The following CATSPERG variants were observed in gnomAD, a reference collection of about 807,000 sequenced individuals.
The protein encoded by CATSPERG is catsper channel auxiliary subunit gamma.
Under a neutral mutation model 145.0 loss-of-function variants are expected in CATSPERG, and 115 were observed. The ratio of observed to expected loss-of-function variants is 0.79; its 90% CI spans 0.68 to 0.93. The LOEUF is 0.93. CATSPERG is among the 40% of genes least tolerant of loss of function. The pLI is 0.00. For missense variants in CATSPERG, 1,296 were observed against 1,490.1 expected, an observed-to-expected ratio of 0.87 and a Z score of 2.14; for synonymous variants, 588 against 589.0, an observed-to-expected ratio of 1.00 and a Z score of 0.02.
intron 14 of CATSPERG, chr19:38,359,801 G>A (rs1970312649): frequency 2.3e-6 from 3 of 1,297,112 alleles, no homozygotes; most frequent in Non-Finnish European, 3.0e-6. Flanking sequence ...GATGTTCAGA[G>A]GCGGCCCTCT....
In CATSPERG at chr19:38,360,761, C is replaced by G. The variant is rs905282799; in HGVS notation, c.1798C>G (p.Gln600Glu). The G allele has an allele frequency of 6.2e-7, 1 of 1,614,092 alleles. No homozygotes were observed. Among genetic ancestry groups the G allele is most frequent in the Admixed American group, 1.7e-5 (1 of 60,000 alleles). The change falls in exon 16 of 29, where the codon CAG (glutamine) becomes GAG (glutamate). Residue 600 changes from glutamine to glutamate, a missense_variant. Gln to Glu is a conservative substitution (Grantham distance 29). Transcript: ENST00000409235. ...GTACCTTATGAACAACCAGAAGGGC[C>G]AGCTGGTCAAGAGGCTCGTGCCCGT... ...LVYLMNNQKG[Q>E]LVKRLVPVEQ...
chr19:38,341,816 C>T (rs772133019), intron 3 of CATSPERG, among the ~76,000 whole-genome samples: 5 of 151,964 alleles, frequency 3.3e-5, no homozygotes, highest in Admixed American at 6.6e-5. Flanking sequence ...GCAGGACGAT[C>T]GCCTGAACCT....
chr19:38,359,320 T>G, intron 13 of CATSPERG, 150 bp from the exon 14 acceptor site: 5 of 485,526 alleles, frequency 1.0e-5, no homozygotes, highest in Non-Finnish European at 1.6e-5. Flanking sequence ...CTCAAAGGGT[T>G]TGGGGTGGGG....
At chr19:38,353,794 C>T (rs1970193756) in intron 8 of CATSPERG, among the ~76,000 whole-genome samples, 1 of 150,682 alleles carries the variant, frequency 6.6e-6, no homozygotes, top group African/African-American at 2.4e-5. Flanking sequence ...GAGTTTGAGA[C>T]CAGCCTGGCC....
At chr19:38,336,062 G>T in intron 1 of CATSPERG, 187 bp downstream of exon 1, 1 of 390,580 alleles carries the variant, frequency 2.6e-6, no homozygotes, top group Admixed American at 2.7e-5. Context: ...GCAGAGGAGG[G>T]AAAGGGGGAG....
chr19:38,355,015 G>C (rs982630839), intron 9 of CATSPERG, among the ~76,000 whole-genome samples, 168 bp downstream of exon 9: 1 of 152,092 alleles, frequency 6.6e-6, no homozygotes, highest in Non-Finnish European at 1.5e-5. Flanking sequence ...AGGGCTTGGG[G>C]GTATGTTATG....
In CATSPERG at chr19:38,337,420, C is replaced by G; in HGVS notation, c.186C>G (p.Ser62Arg). 1 of 1,551,974 alleles carries G rather than the reference C, an allele frequency of 6.4e-7. No homozygotes were observed. Among genetic ancestry groups the G allele is most frequent in the Non-Finnish European group, 8.7e-7 (1 of 1,147,064 alleles). ...AGAGGGTAGGCGAGAGTGGTGTGAG[C>G]GACAGCTTCTTTGAGCAAGAGCCCG... is the stretch of plus-strand genomic sequence containing the variant. The part of the protein sequence containing the change: ...EFKRVGESGV[S>R]DSFFEQEPVD... The change falls in exon 2 of 29, where the codon AGC becomes AGG. Residue 62 changes from serine (S) to arginine (R), a missense_variant. Physicochemically the swap from Ser to Arg is moderately radical, Grantham distance 110. Coordinates refer to ENST00000409235, the MANE Select transcript of CATSPERG (RefSeq NM_021185.5).
Position 38,362,546 on chromosome 19 carries a change from C to T in CATSPERG, c.2328C>T (p.Gly776=), listed in dbSNP as rs200372913. ...YSFAIFLSAQ[G]HSFRTQSELG... ...TCGCCATCTTCCTGTCGGCGCAGGG[C>T]CACTCGTTCCGGACGCAGTCAGAAC... is the stretch of plus-strand genomic sequence containing the variant. Residue 776 remains glycine, a synonymous_variant, in exon 19 of 29, where the codon GGC becomes GGT. Transcript: ENST00000409235. 5 of 1,613,932 alleles carry T rather than the reference C, an allele frequency of 3.1e-6. No individual in the cohort carries two copies. Among genetic ancestry groups the T allele is most frequent in the Non-Finnish European group, 4.2e-6 (5 of 1,180,036 alleles).
chr19:38,348,861 T>C lies in CATSPERG; in HGVS notation c.825+2256T>C, dbSNP rs1970087443. 3.3e-5 allele frequency among the ~76,000 whole-genome samples: 5 copies of C among 152,174 alleles called. No individual in the cohort carries two copies. In the South Asian group the frequency reaches 1.0e-3, roughly 32 times the overall value. On this transcript the variant is annotated intron_variant, in intron 7 of 28. Transcript: ENST00000409235. ...TTCTTGTTCCTTATTTTTTTTAACTTGTTGAAGTGAAATCCATAAATTTAA... is the reference window on the plus strand; with the variant it reads ...TTCTTGTTCCTTATTTTTTTTAACTCGTTGAAGTGAAATCCATAAATTTAA...
At position 38,370,699 on chromosome 19, in the gene CATSPERG, G is replaced by C; in HGVS notation, c.3387G>C (p.Leu1129=). ...SISGISSMPS[L]RHSRMGSMFS... is the part of the protein sequence containing the mutation. ...CCGGAATCTCGAGCATGCCGTCTCTGAGACATTCCAGGATGGGCTCCATGT... is the reference window on the plus strand; with the variant it reads ...CCGGAATCTCGAGCATGCCGTCTCTCAGACATTCCAGGATGGGCTCCATGT... The change falls in exon 29 of 29, where the codon CTG becomes CTC. Residue 1129 remains leucine, a synonymous_variant. Transcript: ENST00000409235. 1 of 1,614,008 alleles carries C rather than the reference G, an allele frequency of 6.2e-7. No individual in the cohort carries two copies. The highest frequency in any genetic ancestry group is 8.5e-7 in the Non-Finnish European group (1 of 1,180,006).
intron 26 of CATSPERG, chr19:38,369,734 G>GGATGC: frequency 1.8e-6 from 1 of 567,972 alleles, no homozygotes; most frequent in South Asian, 1.9e-5. Context: ...GATGCACAGT[G>GGATGC]ACAGAGGAAT....
intron 6 of CATSPERG, among the ~76,000 whole-genome samples, chr19:38,345,313 A>G (rs902958094): frequency 3.2e-4 from 49 of 151,968 alleles, no homozygotes; most frequent in Admixed American, 2.5e-3. Flanking sequence ...CCCAGGCTGG[A>G]GTGCAGGGGA....
intron 11 of CATSPERG, chr19:38,358,048 G>A (rs1970277590): frequency 3.8e-6 from 2 of 530,782 alleles, no homozygotes; most frequent in Non-Finnish European, 6.8e-6. Flanking sequence ...AACCGAGGAG[G>A]CAGAAGTTGC....
chr19:38,339,718 A>G (rs1969905244), intron 3 of CATSPERG, among the ~76,000 whole-genome samples: 1 of 152,050 alleles, frequency 6.6e-6, no homozygotes, highest in African/African-American at 2.4e-5. Flanking sequence ...AGACTTACTC[A>G]TATTTTCTTC....
rs766861985 is a variant in CATSPERG, at chr19:38,364,891, A to G, written c.2476A>G (p.Ile826Val). ...LINRNSVLFS[I>V]TLKDKKLCYD... is the part of the protein sequence containing the mutation. ...TGCCTCTCCCCTCCTTCAACCCCAG[A>G]TTACGCTCAAGGATAAAAAGCTTTG... Residue 826 changes from isoleucine to valine, a missense_variant and splice_region_variant, in exon 21 of 29, where the codon ATT becomes GTT. Physicochemically the swap from Ile to Val is conservative, Grantham distance 29 (BLOSUM62 3). Transcript: ENST00000409235. 1 of 1,613,204 alleles carries G rather than the reference A, an allele frequency of 6.2e-7. No homozygotes were observed. Among genetic ancestry groups the G allele is most frequent in the Non-Finnish European group, 8.5e-7 (1 of 1,179,126 alleles).
intron 25 of CATSPERG, 41 bp from the exon 26 acceptor site, chr19:38,368,007 C>T (rs762389760): frequency 1.0e-5 from 16 of 1,584,542 alleles, no homozygotes; most frequent in South Asian, 5.5e-5. Flanking sequence ...TCCCCTACAC[C>T]GCCCCCCAAC....
At chr19:38,362,110 G>T in intron 17 of CATSPERG, 100 bp from the exon 18 acceptor site, 1 of 1,332,788 alleles carries the variant, frequency 7.5e-7, no homozygotes, top group Non-Finnish European at 1.0e-6. Flanking sequence ...TCTGGGTTGG[G>T]GGCTGGCTTT....
chr19:38,340,326 T>C (rs11669131), intron 3 of CATSPERG, among the ~76,000 whole-genome samples: 21,583 of 151,558 alleles, frequency 0.14, 1,841 homozygotes, highest in South Asian at 0.21. Context: ...AGTCTTTTTT[T>C]TTTTCTTTTT....
intron 28 of CATSPERG, 121 bp downstream of exon 28, chr19:38,370,379 C>G: frequency 2.9e-6 from 4 of 1,387,874 alleles, no homozygotes; most frequent in South Asian, 2.4e-5. Context: ...GCTGACTGAA[C>G]GCCTGCCATG....
Sources: allele counts gnomAD v4.1 joint callset (sites outside exome capture counted in the v4.1 genomes callset), GRCh38; gene constraint gnomAD v4.1.1; transcripts MANE v1.5; gene names NCBI Gene and HGNC (gene_info 2026-07-23, HGNC 2026-07-21).